Variants in CAMK2D observed in about 807,000 individuals in gnomAD.
CAMK2D encodes calcium/calmodulin dependent protein kinase II delta.
In CAMK2D, 37 loss-of-function variants were observed where a neutral mutation model predicts 84.0. The observed-to-expected ratio is 0.44, with a 90% CI of 0.34 to 0.58. The LOEUF (loss-of-function observed/expected upper bound fraction) is 0.58, where lower values mean the gene tolerates loss of function less well. Among genes scored for constraint, CAMK2D ranks in the 20% least tolerant of loss-of-function variants. CAMK2D has a pLI of 0.02. For synonymous variants in CAMK2D, 202 were observed against 212.5 expected (o/e 0.95, Z 0.43); for missense variants, 448 against 652.5 (o/e 0.69, Z 3.41).
intron 3 of CAMK2D, among the ~76,000 whole-genome samples, chr4:113,659,594 CCTACTTGCTTAGGAAGGAGGT>C (rs2099219465): frequency 6.6e-6 from 1 of 152,164 alleles, no homozygotes; most frequent in Non-Finnish European, 1.5e-5. Flanking sequence ...ACGACAGCCA[CCTACTTGCTTAGGAAGGAGGT>C]CTCAGAAGAA....
intron 2 of CAMK2D, among the ~76,000 whole-genome samples, chr4:113,681,942 A>C (rs2154335342): frequency 6.6e-6 from 1 of 152,236 alleles, no homozygotes; most frequent in Non-Finnish European, 1.5e-5. Flanking sequence ...TGGTTTCTCC[A>C]GCACAAAGTA....
At chr4:113,692,363 G>T (rs2214458) in intron 2 of CAMK2D, among the ~76,000 whole-genome samples, 62,188 of 151,898 alleles carry the variant, frequency 0.41, 13,258 homozygotes, top group Admixed American at 0.54. Context: ...ATATTAAATT[G>T]TGATTATTTA....
intron 4 of CAMK2D, among the ~76,000 whole-genome samples, chr4:113,592,624 A>T (rs1246744346): frequency 6.6e-6 from 1 of 152,178 alleles, no homozygotes; most frequent in Non-Finnish European, 1.5e-5. Context: ...GATTTTTTTT[A>T]AAGTTTCAGA....
chr4:113,711,888 A>G (rs1404611389), intron 2 of CAMK2D, among the ~76,000 whole-genome samples: 2 of 152,134 alleles, frequency 1.3e-5, no homozygotes, highest in African/African-American at 2.4e-5. Flanking sequence ...TACCATTTTC[A>G]TTAAATATAC....
chr4:113,544,386 AT>A (rs1191649411), intron 6 of CAMK2D, among the ~76,000 whole-genome samples: 2 of 152,200 alleles, frequency 1.3e-5, no homozygotes, highest in African/African-American at 4.8e-5. Flanking sequence ...GTTTTGACTC[AT>A]TCTTTGGTCT....
intron 3 of CAMK2D, among the ~76,000 whole-genome samples, chr4:113,625,952 T>C (rs1300792857): frequency 2.6e-5 from 4 of 151,390 alleles, no homozygotes; most frequent in Non-Finnish European, 1.5e-5. Context: ...AGGTGGAGGT[T>C]GTAGTGAGCC....
chr4:113,593,691 C>T (rs551569179), intron 4 of CAMK2D, among the ~76,000 whole-genome samples: 1 of 152,330 alleles, frequency 6.6e-6, no homozygotes, highest in South Asian at 2.1e-4. Context: ...GGAACAACTA[C>T]TTTAGTAGAG....
intron 2 of CAMK2D, among the ~76,000 whole-genome samples, chr4:113,670,747 A>C (rs1485985154): frequency 6.6e-6 from 1 of 150,920 alleles, no homozygotes; most frequent in African/African-American, 2.4e-5. Context: ...AGATAAACAC[A>C]TCTCTACTAA....
At chr4:113,492,154 T>G (rs2097853564) in intron 16 of CAMK2D, among the ~76,000 whole-genome samples, 1 of 152,150 alleles carries the variant, frequency 6.6e-6, no homozygotes, top group Admixed American at 6.5e-5. Flanking sequence ...AGTTCTGCTC[T>G]GATTTTAGTT....
intron 8 of CAMK2D, among the ~76,000 whole-genome samples, chr4:113,524,023 C>T (rs542016022): frequency 7.2e-5 from 11 of 152,094 alleles, no homozygotes; most frequent in Middle Eastern, 3.4e-3. Context: ...GTGTGTGCTA[C>T]CATGCCCGGC....
At chr4:113,493,935 C>T (rs961294197) in intron 16 of CAMK2D, among the ~76,000 whole-genome samples, 24 of 152,250 alleles carry the variant, frequency 1.6e-4, no homozygotes, top group South Asian at 4.2e-4. Context: ...TTGATCGCAT[C>T]GGCTCCTGAG....
At chr4:113,455,979 C>T (rs941316366) in intron 19 of CAMK2D, among the ~76,000 whole-genome samples, 158 bp from the exon 20 acceptor site, 1 of 152,076 alleles carries the variant, frequency 6.6e-6, no homozygotes, top group Non-Finnish European at 1.5e-5. Context: ...TTGTGCTGTA[C>T]CTCTTTGGGG....
intron 2 of CAMK2D, among the ~76,000 whole-genome samples, chr4:113,720,397 C>T (rs1301605662): frequency 6.6e-6 from 1 of 151,726 alleles, no homozygotes; most frequent in African/African-American, 2.4e-5. Context: ...CACACTCACA[C>T]ATTTTAAAAA....
At chr4:113,564,377 C>T (rs2098712738) in intron 4 of CAMK2D, among the ~76,000 whole-genome samples, 1 of 152,174 alleles carries the variant, frequency 6.6e-6, no homozygotes, top group African/African-American at 2.4e-5. Flanking sequence ...TAACGCCTAG[C>T]TAGGCAATCT....
intron 4 of CAMK2D, among the ~76,000 whole-genome samples, chr4:113,585,729 TAGTATATAGTAC>T (rs2098831174): frequency 4.0e-5 from 3 of 74,892 alleles, no homozygotes; most frequent in Admixed American, 1.2e-4. Context: ...ATAGTATAGA[TAGTATATAGTAC>T]AGTATATAGT....
intron 3 of CAMK2D, 60 bp from the exon 4 acceptor site, chr4:113,609,266 C>T (rs1010795770): frequency 3.5e-6 from 3 of 867,098 alleles, no homozygotes; most frequent in Non-Finnish European, 6.0e-6. Flanking sequence ...CAACGTTAAA[C>T]CCCACTTCAC....
chr4:113,542,814 A>G (rs2098539782), intron 6 of CAMK2D, among the ~76,000 whole-genome samples: 1 of 152,228 alleles, frequency 6.6e-6, no homozygotes, highest in South Asian at 2.1e-4. Flanking sequence ...ATTCCTATGA[A>G]ACAGCCTTAA....
intron 3 of CAMK2D, among the ~76,000 whole-genome samples, chr4:113,653,427 A>G (rs2099184180): frequency 6.6e-6 from 1 of 152,082 alleles, no homozygotes; most frequent in South Asian, 2.1e-4. Flanking sequence ...AATACTTTTA[A>G]TCTGTTAGAG....
chr4:113,706,946 C>G (rs910852429), intron 2 of CAMK2D, among the ~76,000 whole-genome samples: 5 of 151,676 alleles, frequency 3.3e-5, no homozygotes, highest in Non-Finnish European at 5.9e-5. Flanking sequence ...ATCAAAATAT[C>G]CTTCATACTT....
Sources: allele counts gnomAD v4.1 joint callset (sites outside exome capture counted in the v4.1 genomes callset), GRCh38; gene constraint gnomAD v4.1.1; transcripts MANE v1.5; gene names NCBI Gene and HGNC (gene_info 2026-07-23, HGNC 2026-07-21).